The following GRID1 variants were observed in gnomAD, a reference collection of about 807,000 sequenced individuals.
GRID1 encodes the protein glutamate ionotropic receptor delta type subunit 1, also known as glutamate receptor ionotropic, delta-1.
GRID1 carries 28 observed loss-of-function variants against 98.0 expected under a neutral mutation model. The observed-to-expected ratio is 0.29, with a 90% CI of 0.21 to 0.39. The LOEUF (loss-of-function observed/expected upper bound fraction) is 0.39, where lower values mean the gene tolerates loss of function less well. Among genes scored for constraint, GRID1 ranks in the 10% least tolerant of loss-of-function variants. The pLI, the probability that GRID1 is intolerant of heterozygous loss-of-function variation, is 1.00. For synonymous variants in GRID1, 553 were observed against 538.5 expected (o/e 1.03, Z -0.37); for missense variants, 1,111 against 1,340.5 (o/e 0.83, Z 2.67).
At chr10:85,826,528 G>C (rs750322236) in intron 8 of GRID1, among the ~76,000 whole-genome samples, 1 of 151,898 alleles carries the variant, frequency 6.6e-6, no homozygotes. Context: ...CTGTTGTTGC[G>C]GGCGTAAGCA....
intron 4 of GRID1, among the ~76,000 whole-genome samples, chr10:86,003,278 G>A (rs866811091): frequency 6.6e-5 from 10 of 152,204 alleles, no homozygotes; most frequent in African/African-American, 1.7e-4. Context: ...TTGCTCTTGG[G>A]AAGTCAGGGA....
At position 85,602,445 on chromosome 10, in the gene GRID1, A is replaced by G; in HGVS notation, c.2858T>C (p.Leu953Pro). ...LSSGPSSNLP[L>P]PLSSSATMPS... ...CATGGTCGCCGAGCTGCTCAGCGGCAGCGGCAGGTTGCTGCTGGGCCCTGA... is the reference window on the plus strand; with the variant it reads ...CATGGTCGCCGAGCTGCTCAGCGGCGGCGGCAGGTTGCTGCTGGGCCCTGA... The change falls in exon 16 of 16, where the codon CTG becomes CCG. Residue 953 changes from leucine to proline, a missense_variant. Physicochemically the swap from Leu to Pro is moderately conservative, Grantham distance 98. Coordinates refer to ENST00000327946, the MANE Select transcript of GRID1 (RefSeq NM_017551.3). The G allele has an allele frequency of 6.2e-7, 1 of 1,614,150 alleles. No individual in the cohort carries two copies. The highest frequency in any genetic ancestry group is 8.5e-7 in the Non-Finnish European group (1 of 1,180,034).
intron 8 of GRID1, among the ~76,000 whole-genome samples, chr10:85,743,229 A>G (rs1173970373): frequency 6.6e-6 from 1 of 150,848 alleles, no homozygotes; most frequent in African/African-American, 2.4e-5. Flanking sequence ...TGGATCCCAT[A>G]TGTGTCCAGC....
chr10:86,350,916 T>A (rs1848453184), intron 2 of GRID1, among the ~76,000 whole-genome samples: 1 of 152,158 alleles, frequency 6.6e-6, no homozygotes, highest in African/African-American at 2.4e-5. Context: ...TAACTTTGTG[T>A]CCCTTAACCA....
intron 8 of GRID1, among the ~76,000 whole-genome samples, chr10:85,751,857 C>T (rs1475270469): frequency 6.6e-6 from 1 of 151,798 alleles, no homozygotes; most frequent in Non-Finnish European, 1.5e-5. Flanking sequence ...TTATAATGAG[C>T]AAAATTAAGT....
At chr10:85,656,796 T>C (rs1840900319) in intron 12 of GRID1, among the ~76,000 whole-genome samples, 1 of 152,208 alleles carries the variant, frequency 6.6e-6, no homozygotes, top group Non-Finnish European at 1.5e-5. Context: ...CTCTGCATCT[T>C]ATCTGGACAT....
Position 86,305,626 on chromosome 10 carries a change from C to T in GRID1, c.235+58315G>A, listed in dbSNP as rs552831348. 6.0e-4 allele frequency among the ~76,000 whole-genome samples: 92 copies of T among 152,176 alleles called. 1 individual carries two copies. The highest frequency in any genetic ancestry group is 2.2e-3 in the African/African-American group (91 of 41,524). On this transcript the variant is annotated intron_variant, in intron 2 of 15. Transcript: ENST00000327946. The stretch of plus-strand genomic sequence containing the variant: ...CTGCATGCAGACATTTCTCGGTTTG[C>T]CCCCCACCACCACCATAATAGGAGG...
chr10:86,306,424 A>G (rs1847759727), intron 2 of GRID1, among the ~76,000 whole-genome samples: 1 of 152,212 alleles, frequency 6.6e-6, no homozygotes, highest in Non-Finnish European at 1.5e-5. Flanking sequence ...GCTCCTAGTC[A>G]CATTTGGCAC....
At chr10:85,966,697 CCAG>C (rs1389273309) in intron 4 of GRID1, among the ~76,000 whole-genome samples, 1 of 151,782 alleles carries the variant, frequency 6.6e-6, no homozygotes, top group Non-Finnish European at 1.5e-5. Flanking sequence ...ACCTGTAATC[CCAG>C]CTACTCAGGA....
At chr10:85,894,032 A>C (rs1841243066) in intron 5 of GRID1, among the ~76,000 whole-genome samples, 1 of 152,210 alleles carries the variant, frequency 6.6e-6, no homozygotes, top group Admixed American at 6.5e-5. Context: ...GACAAGGTAC[A>C]GAACTTTCTC....
At chr10:85,706,777 G>T (rs1421753666) in intron 12 of GRID1, among the ~76,000 whole-genome samples, 1 of 152,124 alleles carries the variant, frequency 6.6e-6, no homozygotes, top group Non-Finnish European at 1.5e-5. Context: ...TAGATCAATG[G>T]AACAGAACAG....
At chr10:86,173,513 T>C (rs971194169) in intron 3 of GRID1, among the ~76,000 whole-genome samples, 5 of 152,324 alleles carry the variant, frequency 3.3e-5, no homozygotes, top group Admixed American at 2.0e-4. Flanking sequence ...AGCCAATTGT[T>C]TGATACATCT....
intron 5 of GRID1, among the ~76,000 whole-genome samples, chr10:85,871,002 A>T (rs999669392): frequency 1.3e-5 from 2 of 152,146 alleles, no homozygotes; most frequent in Non-Finnish European, 1.5e-5. Flanking sequence ...GAGAGAGCAG[A>T]GAAGAGAGCA....
intron 8 of GRID1, among the ~76,000 whole-genome samples, chr10:85,827,036 G>C (rs1382440563): frequency 6.6e-6 from 1 of 152,198 alleles, no homozygotes; most frequent in African/African-American, 2.4e-5. Flanking sequence ...GAAAGAACCA[G>C]TGCAAGAACT....
At chr10:86,242,024 T>C (rs1282524514) in intron 2 of GRID1, among the ~76,000 whole-genome samples, 7 of 152,238 alleles carry the variant, frequency 4.6e-5, no homozygotes, top group African/African-American at 1.7e-4. Flanking sequence ...GTGAAGCAGA[T>C]GGCTTGTAAT....
intron 12 of GRID1, among the ~76,000 whole-genome samples, chr10:85,666,773 G>A (rs953403874): frequency 1.4e-4 from 22 of 152,068 alleles, no homozygotes; most frequent in African/African-American, 5.1e-4. Context: ...TAACACTTAC[G>A]TAGTCTCAAC....
chr10:85,716,440 T>C (rs1024106926), intron 12 of GRID1, among the ~76,000 whole-genome samples: 20 of 151,894 alleles, frequency 1.3e-4, no homozygotes, highest in African/African-American at 4.4e-4. Flanking sequence ...AGGGATAGCA[T>C]TGGGAGATAT....
chr10:86,328,791 G>T (rs1179904077), intron 2 of GRID1, among the ~76,000 whole-genome samples: 1 of 151,256 alleles, frequency 6.6e-6, no homozygotes, highest in Non-Finnish European at 1.5e-5. Context: ...CCACCAACAT[G>T]CTCAGACTCA....
At chr10:86,300,512 AAGGGAG>A (rs1847667411) in intron 2 of GRID1, among the ~76,000 whole-genome samples, 1 of 11,668 alleles carries the variant, frequency 8.6e-5, no homozygotes, top group Non-Finnish European at 2.3e-4. Context: ...AGGGGAGGGG[AAGGGAG>A]GGGAAGGGAG....
Sources: allele counts gnomAD v4.1 joint callset (sites outside exome capture counted in the v4.1 genomes callset), GRCh38; gene constraint gnomAD v4.1.1; transcripts MANE v1.5; gene names NCBI Gene and HGNC (gene_info 2026-07-23, HGNC 2026-07-21).